ADSS2: variants seen among roughly 807,000 people sequenced by gnomAD.
ADSS2 encodes adenylosuccinate synthase 2, also known as adenylosuccinate synthetase isozyme 2.
A neutral mutation model predicts 60.0 loss-of-function variants in ADSS2; 30 were observed. The observed-to-expected ratio is 0.50, with a 90% CI of 0.37 to 0.68. The LOEUF (loss-of-function observed/expected upper bound fraction) is 0.68. ADSS2 is among the 30% of genes least tolerant of loss of function. ADSS2 has a pLI of 0.00. For missense variants in ADSS2, 373 were observed against 554.8 expected (o/e 0.67, Z 3.29); for synonymous variants, 187 against 193.1 (o/e 0.97, Z 0.26).
At chr1:244,413,339 G>A (rs142509641) in intron 11 of ADSS2, among the ~76,000 whole-genome samples, 1 of 152,242 alleles carries the variant, frequency 6.6e-6, no homozygotes, top group African/African-American at 2.4e-5. Context: ...AATCAGTGGG[G>A]CTTCCATTTC....
chr1:244,434,857 A>C (rs6695703), intron 3 of ADSS2, among the ~76,000 whole-genome samples: 1 of 152,022 alleles, frequency 6.6e-6, no homozygotes, highest in Non-Finnish European at 1.5e-5. Flanking sequence ...GAACACCTGA[A>C]GACAGATTGC....
intron 4 of ADSS2, among the ~76,000 whole-genome samples, chr1:244,425,674 G>A (rs372351118): frequency 1.3e-5 from 2 of 152,032 alleles, no homozygotes; most frequent in East Asian, 3.8e-4. Context: ...TGTTTGGCAA[G>A]GTTAACAATC....
upstream of ADSS2, chr1:244,451,933 C>A (rs1027489760): frequency 2.9e-5 from 32 of 1,117,056 alleles, no homozygotes; most frequent in Non-Finnish European, 2.7e-5. This position sits in a 1 kb window ranked among gnomAD's most constrained non-coding sequence, Gnocchi z 6.6. Flanking sequence ...GAGGCCGGCC[C>A]CGCCCCCGCC....
chr1:244,435,194 A>AAAAAAAAAAAC lies in ADSS2; in HGVS notation c.355+1630_355+1631insGTTTTTTTTTT, dbSNP rs1553308065. Among the ~76,000 whole-genome samples, 69 of 127,890 alleles carry AAAAAAAAAAAC rather than the reference A, an allele frequency of 5.4e-4. 3 individuals carry two copies. The highest frequency in any genetic ancestry group is 2.2e-3 in the African/African-American group (67 of 31,122). 83.9% of individuals were successfully genotyped at this position (127,890 alleles called of 152,430 possible). On this transcript the variant is annotated intron_variant, in intron 3 of 12. Transcript: ENST00000366535. Reference sequence around the variant, plus strand: ...AAAAAAAAAAAAAAAAAAAAAAAAAAAAACAAACCTGAACATACTATAACA... The same window carrying AAAAAAAAAAAC: ...AAAAAAAAAAAAAAAAAAAAAAAAAAAAAAAAAAAACAAACAAACCTGAACATACTATAACA...
intron 1 of ADSS2, among the ~76,000 whole-genome samples, chr1:244,443,653 A>C (rs1404246055): frequency 6.6e-6 from 1 of 152,250 alleles, no homozygotes; most frequent in Non-Finnish European, 1.5e-5. Flanking sequence ...GCCTTTATAC[A>C]GTACAGATTT....
chr1:244,430,949 T>G (rs562345568), intron 4 of ADSS2, among the ~76,000 whole-genome samples: 72 of 152,138 alleles, frequency 4.7e-4, no homozygotes, highest in Non-Finnish European at 5.9e-5. Context: ...AGTGAAACCC[T>G]GTCTCCACTA....
rs1263185671 is a variant in ADSS2 at position 244,409,004 on chromosome 1, AT to A, written c.*581del. The A allele has an allele frequency of 6.6e-6, 1 of 152,660 alleles. No individual in the cohort carries two copies. Among genetic ancestry groups the A allele is most frequent in the Non-Finnish European group, 1.5e-5 (1 of 68,060 alleles). 9.5% of individuals were successfully genotyped at this position (152,660 alleles called of 1,614,324 possible). On this transcript the variant is annotated 3_prime_UTR_variant, in exon 13 of 13. Transcript: ENST00000366535. The stretch of plus-strand genomic sequence containing the variant: ...TACAAATTAAAGGTCCCATGAATAC[AT>A]AACCCCCTCCCAGCCCCACCAAAGC...
rs1664737635 is a variant in ADSS2, at chr1:244,423,987, C to T, written c.547G>A (p.Asp183Asn). The change falls in exon 6 of 13, where the codon GAC becomes AAC. Residue 183 changes from aspartate (D) to asparagine (N), a missense_variant. Asp to Asn is a conservative substitution (Grantham distance 23). Around this residue, in one of 5 missense-constraint regions of ADSS2, gnomAD observed 139 missense variants for 189.4 expected, o/e 0.73. Coordinates refer to ENST00000366535, the MANE Select transcript of ADSS2 (RefSeq NM_001126.5). ...KAARSGLRMC[D>N]LVSDFDGFSE... is the part of the protein sequence containing the mutation. ...AAGCCATCAAAGTCAGAAACAAGGTCGCACATCCTGAGTCCACTCCGAGCA... is the reference window on the plus strand; with the variant it reads ...AAGCCATCAAAGTCAGAAACAAGGTTGCACATCCTGAGTCCACTCCGAGCA... 1 of 1,613,246 alleles carries T rather than the reference C, an allele frequency of 6.2e-7. No individual in the cohort carries two copies. Among genetic ancestry groups the T allele is most frequent in the Non-Finnish European group, 8.5e-7 (1 of 1,179,714 alleles).
intron 10 of ADSS2, among the ~76,000 whole-genome samples, chr1:244,416,370 T>G (rs1453589744): frequency 6.6e-6 from 1 of 152,152 alleles, no homozygotes; most frequent in Non-Finnish European, 1.5e-5. Flanking sequence ...CAGGCTGGAG[T>G]GTAGTGGCAC....
intron 1 of ADSS2, among the ~76,000 whole-genome samples, chr1:244,438,828 CAT>C (rs1665164633): frequency 6.6e-6 from 1 of 152,082 alleles, no homozygotes; most frequent in Admixed American, 6.5e-5. Flanking sequence ...TTGATACAAG[CAT>C]ATGAGTAATA....
chr1:244,417,820 G>A (rs1664574770), intron 9 of ADSS2, 68 bp from the exon 10 acceptor site: 2 of 1,452,778 alleles, frequency 1.4e-6, no homozygotes, highest in African/African-American at 1.4e-5. Flanking sequence ...AATAATATAT[G>A]CTAGAGATCA....
At position 244,416,799 on chromosome 1, in the gene ADSS2, C is replaced by A. The variant is rs557180409; in HGVS notation, c.1071-721G>T. On this transcript the variant is annotated intron_variant, in intron 10 of 12. Transcript: ENST00000366535. ...CAATTCTTCACTCTGGTTACCATCA[C>A]CTCTACCCTTCTGGTCAGAAATTGT... 6.6e-5 allele frequency among the ~76,000 whole-genome samples: 10 copies of A among 152,310 alleles called. No individual in the cohort carries two copies. In the South Asian group the frequency reaches 2.1e-3, roughly 32 times the overall value.
At chr1:244,443,872 C>A (rs150883035) in intron 1 of ADSS2, among the ~76,000 whole-genome samples, 1,615 of 152,248 alleles carry the variant, frequency 0.011, 78 homozygotes, top group Admixed American at 0.09. Context: ...GCTGACACCG[C>A]CTTCTCATTC....
intron 1 of ADSS2, among the ~76,000 whole-genome samples, chr1:244,440,440 C>A (rs3006001): frequency 0.85 from 128,737 of 152,114 alleles, 54,907 homozygotes; most frequent in African/African-American, 0.93. Context: ...TTTTAAAAAA[C>A]AACTTGGCAG....
chr1:244,417,951 T>C (rs542924704), intron 9 of ADSS2, among the ~76,000 whole-genome samples, 199 bp from the exon 10 acceptor site: 1 of 118,970 alleles, frequency 8.4e-6, no homozygotes, highest in African/African-American at 3.6e-5. Flanking sequence ...TTTATTATCA[T>C]TTTTTTATGT....
chr1:244,431,090 G>A (rs1336766374), intron 4 of ADSS2, among the ~76,000 whole-genome samples: 4 of 152,022 alleles, frequency 2.6e-5, no homozygotes, highest in Non-Finnish European at 5.9e-5. Context: ...CTGCACTCCA[G>A]CCTGGGTGAC....
chr1:244,411,384 T>C lies in ADSS2; in HGVS notation c.1221A>G (p.Gly407=). ...KVEVQYKTLP[G]WNTDISNARA... is the part of the protein sequence containing the mutation. ...TTGCATTTGATATGTCTGTGTTCCA[T>C]CCTGGGAGAGTCTTATATTGAACTT... is the stretch of plus-strand genomic sequence containing the variant. Residue 407 remains glycine, a synonymous_variant, in exon 12 of 13, where the codon GGA becomes GGG. Transcript: ENST00000366535. 5 of 1,613,758 alleles carry C rather than the reference T, an allele frequency of 3.1e-6. No homozygotes were observed. The highest frequency in any genetic ancestry group is 4.2e-6 in the Non-Finnish European group (5 of 1,179,864).
chr1:244,424,497 T>C (rs1664752067), intron 4 of ADSS2, 110 bp from the exon 5 acceptor site: 4 of 805,098 alleles, frequency 5.0e-6, no homozygotes, highest in Non-Finnish European at 8.0e-6. Flanking sequence ...CATTTCAGTA[T>C]AATAAATTAA....
intron 1 of ADSS2, among the ~76,000 whole-genome samples, chr1:244,446,739 G>A (rs1665400999): frequency 6.6e-6 from 1 of 152,136 alleles, no homozygotes; most frequent in South Asian, 2.1e-4. Flanking sequence ...GGTCATAGAT[G>A]AGGCCATAAG....
Sources: gnomAD v4.1 joint callset for allele counts (sites outside exome capture counted in the v4.1 genomes callset) on GRCh38, gnomAD v4.1.1 for gene constraint, gnomAD v4.1.1 regional missense constraint, Gnocchi (gnomAD v3.1) non-coding constraint, MANE v1.5 for transcripts, NCBI Gene and HGNC (gene_info 2026-07-23, HGNC 2026-07-21) for gene names.